The following ZNF460 variants were observed in gnomAD, a reference collection of about 807,000 sequenced individuals.
The protein encoded by ZNF460 is zinc finger protein 460.
Under a neutral mutation model 8.4 loss-of-function variants are expected in ZNF460, and 1 was observed. The observed-to-expected ratio is 0.12, with a 90% CI of 0.04 to 0.56. ZNF460 has a LOEUF of 0.56. Among genes scored for constraint, ZNF460 ranks in the 20% least tolerant of loss-of-function variants. ZNF460 has a pLI of 0.91. For missense variants in ZNF460, 477 were observed against 714.8 expected, an observed-to-expected ratio of 0.67 and a Z score of 3.79; for synonymous variants, 262 against 259.9, an observed-to-expected ratio of 1.01 and a Z score of -0.08.
Position 57,286,962 on chromosome 19 carries a change from C to CA in ZNF460, c.157+2305dup, listed in dbSNP as rs35363381. Among the ~76,000 whole-genome samples the CA allele has an allele frequency of 9.4e-3, 961 of 102,092 alleles. 4 individuals are homozygous for CA. The highest frequency in any genetic ancestry group is 0.026 in the African/African-American group (718 of 27,900). The allele number at this position is 102,092 out of a possible 152,430, so 67.0% of individuals were successfully genotyped here. A position where few individuals can be genotyped will look rare whatever the true frequency, so the allele number is the denominator to read the frequency against. Reference sequence around the variant, plus strand: ...CTGGGCGAAGAAGGAGACTCTGTCTCAAAAAAAAAAAAAAAAAAAAGTCCA... The same window carrying CA: ...CTGGGCGAAGAAGGAGACTCTGTCTCAAAAAAAAAAAAAAAAAAAAAGTCCA... On this transcript the variant is annotated intron_variant, in intron 2 of 2. Transcript: ENST00000360338.
chr19:57,289,595 T>C (rs1343015997), intron 2 of ZNF460, among the ~76,000 whole-genome samples: 1 of 152,172 alleles, frequency 6.6e-6, no homozygotes, highest in Non-Finnish European at 1.5e-5. Flanking sequence ...AAGCTTATGA[T>C]AGAGTGTCAT....
At chr19:57,286,830 G>A (rs12463076) in intron 2 of ZNF460, among the ~76,000 whole-genome samples, 33,066 of 151,718 alleles carry the variant, frequency 0.22, 4,200 homozygotes, top group Admixed American at 0.26. Context: ...CAGGCGTGGC[G>A]GTACACACCT....
chr19:57,291,503 C>T lies in ZNF460; in HGVS notation c.962C>T (p.Thr321Ile). 2 of 1,613,642 alleles carry T rather than the reference C, an allele frequency of 1.2e-6. No individual in the cohort carries two copies. The highest frequency in any genetic ancestry group is 1.7e-6 in the Non-Finnish European group (2 of 1,179,848). Reference sequence around the variant, plus strand: ...TGTGGAAAAGGCTTTTATGAGAGTACAGCCCTCATTCAACACTTCATTATC... The same window carrying T: ...TGTGGAAAAGGCTTTTATGAGAGTATAGCCCTCATTCAACACTTCATTATC... ...SECGKGFYES[T>I]ALIQHFIIHT... The change falls in exon 3 of 3, where the codon ACA (threonine) becomes ATA (isoleucine). Residue 321 changes from threonine (T) to isoleucine (I), a missense_variant. This residue lies in a region of ZNF460 where 193 missense variants were observed against 391.7 expected (regional missense o/e 0.49). Coordinates refer to ENST00000360338, the MANE Select transcript of ZNF460 (RefSeq NM_006635.4). This position sits in a 1 kb window ranked among gnomAD's most constrained non-coding sequence, Gnocchi z 8.4.
At chr19:57,285,402 G>A (rs371243125) in intron 2 of ZNF460, among the ~76,000 whole-genome samples, 1 of 152,116 alleles carries the variant, frequency 6.6e-6, no homozygotes, top group East Asian at 1.9e-4. Context: ...TGACCGTCTA[G>A]TCTTGTTCTC....
intron 2 of ZNF460, among the ~76,000 whole-genome samples, chr19:57,288,680 T>C (rs1314035549): frequency 1.3e-5 from 2 of 152,186 alleles, no homozygotes; most frequent in African/African-American, 4.8e-5. Flanking sequence ...CTCCCTTCAA[T>C]ATGAACTCAC....
chr19:57,283,502 C>CTTTTT (rs926242067), intron 1 of ZNF460, among the ~76,000 whole-genome samples: 878 of 68,462 alleles, frequency 0.013, 17 homozygotes, highest in East Asian at 0.017. Context: ...TTTGACTATT[C>CTTTTT]TTTTTTTTTT....
chr19:57,280,934 C>T lies in ZNF460; in HGVS notation c.30+98C>T, dbSNP rs371307134. ...AGACAGCCACAGGATTTTTCTTTGT[C>T]GCCATCGTTTATTTAAGAGAAATGG... On this transcript the variant is annotated intron_variant, in intron 1 of 2. Transcript: ENST00000360338. The T allele has an allele frequency of 6.5e-4, 1,000 of 1,535,536 alleles. 6 individuals carry two copies. The African/African-American group carries it at 0.01, about 16-fold the overall frequency.
intron 1 of ZNF460, among the ~76,000 whole-genome samples, chr19:57,283,330 C>T (rs1190683482): frequency 6.6e-6 from 1 of 151,046 alleles, no homozygotes; most frequent in South Asian, 2.1e-4. Flanking sequence ...CTACCACACC[C>T]AGCTAATTTT....
chr19:57,286,010 A>G (rs1179699879), intron 2 of ZNF460, among the ~76,000 whole-genome samples: 3 of 152,090 alleles, frequency 2.0e-5, no homozygotes, highest in African/African-American at 7.2e-5. Context: ...TCTTTTTAGA[A>G]TTTTTTATTT....
Position 57,291,648 on chromosome 19 carries a change from T to G in ZNF460, c.1107T>G (p.Cys369Trp). 6.2e-7 allele frequency: 1 copy of G among 1,613,918 alleles called. No homozygotes were observed. The highest frequency in any genetic ancestry group is 8.5e-7 in the Non-Finnish European group (1 of 1,179,970). ...TGEKPFVCSQ[C>W]GKAFTHYSTY... is the part of the protein sequence containing the mutation. Reference sequence around the variant, plus strand: ...AGAAGCCCTTTGTGTGCAGTCAATGTGGAAAGGCCTTCACTCACTATTCCA... The same window carrying G: ...AGAAGCCCTTTGTGTGCAGTCAATGGGGAAAGGCCTTCACTCACTATTCCA... Residue 369 changes from cysteine to tryptophan, a missense_variant, in exon 3 of 3, where the codon TGT (cysteine) becomes TGG (tryptophan). By Grantham distance (215) the Cys-to-Trp change is radical (BLOSUM62 -2). Transcript: ENST00000360338. This position sits in a 1 kb window ranked among gnomAD's most constrained non-coding sequence, Gnocchi z 8.4.
chr19:57,290,138 T>TA (rs144640986), intron 2 of ZNF460, among the ~76,000 whole-genome samples: 32,747 of 150,544 alleles, frequency 0.22, 4,107 homozygotes, highest in Admixed American at 0.26. Context: ...AAATTCCATC[T>TA]AAAAAAAAAT....
rs368816113 is a variant in ZNF460 at position 57,292,014 on chromosome 19, C to T, written c.1473C>T (p.Leu491=). The change falls in exon 3 of 3, where the codon CTC becomes CTT. Residue 491 remains leucine, a synonymous_variant. Transcript: ENST00000360338. ...AGGCCTTCAACCGCAGGTCACCCCT[C>T]ACAAGGCACCAGCGGATTCACACTG... The part of the protein sequence containing the change: ...CGKAFNRRSP[L]TRHQRIHTAE... 28 of 1,614,020 alleles carry T rather than the reference C, an allele frequency of 1.7e-5. No homozygotes were observed. Among genetic ancestry groups the T allele is most frequent in the Non-Finnish European group, 2.3e-5 (27 of 1,180,024 alleles).
chr19:57,282,937 G>A (rs1036865393), intron 1 of ZNF460, among the ~76,000 whole-genome samples: 2 of 151,820 alleles, frequency 1.3e-5, no homozygotes, highest in African/African-American at 2.4e-5. Flanking sequence ...GTTGCAGTGA[G>A]CCGACATTGT....
intron 2 of ZNF460, among the ~76,000 whole-genome samples, chr19:57,285,653 T>A (rs2087874291): frequency 6.6e-6 from 1 of 152,238 alleles, no homozygotes; most frequent in Non-Finnish European, 1.5e-5. Context: ...GATGTGTTGA[T>A]TTTGATGTTT....
At chr19:57,280,007 C>T (rs911238924), upstream of ZNF460, 2 of 152,296 alleles carry the variant, frequency 1.3e-5, no homozygotes, top group African/African-American at 2.4e-5. Context: ...GCTGGGCACA[C>T]TGTCAGGCGT....
At position 57,290,859 on chromosome 19, in the gene ZNF460, T is replaced by G; in HGVS notation, c.318T>G (p.Phe106Leu). Reference sequence around the variant, plus strand: ...GGCCATCTGAAATGCAGGAATACTTTTTGAGACCAGGGACAGACCCACAGA... The same window carrying G: ...GGCCATCTGAAATGCAGGAATACTTGTTGAGACCAGGGACAGACCCACAGA... The part of the protein sequence containing the change: ...QDGPSEMQEY[F>L]LRPGTDPQSE... Residue 106 changes from phenylalanine (F) to leucine (L), a missense_variant, in exon 3 of 3, where the codon TTT (phenylalanine) becomes TTG (leucine). Transcript: ENST00000360338. 1 of 1,614,110 alleles carries G rather than the reference T, an allele frequency of 6.2e-7. No individual in the cohort carries two copies. Among genetic ancestry groups the G allele is most frequent in the Non-Finnish European group, 8.5e-7 (1 of 1,180,028 alleles).
Position 57,280,767 on chromosome 19 carries a change from A to C in ZNF460, c.-40A>C. On this transcript the variant is annotated 5_prime_UTR_variant, in exon 1 of 3. Transcript: ENST00000360338. ...CAGCCGAGGTCGCCCCGCCCAGGACAGAGAAGGGCTGTGGTCGGCTGATCC... is the reference window on the plus strand; with the variant it reads ...CAGCCGAGGTCGCCCCGCCCAGGACCGAGAAGGGCTGTGGTCGGCTGATCC... 1 of 1,613,426 alleles carries C rather than the reference A, an allele frequency of 6.2e-7. No homozygotes were observed.
intron 1 of ZNF460, among the ~76,000 whole-genome samples, chr19:57,281,590 G>A (rs987264025): frequency 7.8e-6 from 1 of 128,610 alleles, no homozygotes; most frequent in South Asian, 2.4e-4. Flanking sequence ...TTTTGAGACG[G>A]AGTCTTGTTC....
intron 1 of ZNF460, among the ~76,000 whole-genome samples, chr19:57,283,626 C>G (rs1166550083): frequency 6.7e-6 from 1 of 149,644 alleles, no homozygotes; most frequent in African/African-American, 2.5e-5. Context: ...CTCAGCCTCC[C>G]TAGTAGCTGG....
Sources: gnomAD v4.1 joint callset for allele counts (sites outside exome capture counted in the v4.1 genomes callset) on GRCh38, gnomAD v4.1.1 for gene constraint, gnomAD v4.1.1 regional missense constraint, Gnocchi (gnomAD v3.1) non-coding constraint, MANE v1.5 for transcripts, NCBI Gene and HGNC (gene_info 2026-07-23, HGNC 2026-07-21) for gene names.